Variants in UBR7 observed in about 807,000 individuals in gnomAD.
UBR7 encodes ubiquitin protein ligase E3 component n-recognin 7, also known as putative E3 ubiquitin-protein ligase UBR7.
A neutral mutation model predicts 57.0 loss-of-function variants in UBR7; 22 were observed. That is an observed-to-expected ratio of 0.39 (90% CI 0.28 to 0.55). The LOEUF is 0.55. Among genes scored for constraint, UBR7 ranks in the 20% least tolerant of loss-of-function variants. The pLI is 0.69. For missense variants in UBR7, 395 were observed against 513.2 expected (o/e 0.77, Z 2.23); for synonymous variants, 167 against 179.8 (o/e 0.93, Z 0.57).
At position 93,226,126 on chromosome 14, in the gene UBR7, A is replaced by AATTATTCCAAGTTAGC. The variant is rs1276710612; in HGVS notation, c.1186-803_1186-788dup. On this transcript the variant is annotated intron_variant, in intron 10 of 10. Coordinates refer to ENST00000013070, the MANE Select transcript of UBR7 (RefSeq NM_175748.4). ...GGTGTATCAGCTACTGGTCTGAGAA[A>AATTATTCCAAGTTAGC]ATTATTCCAAGTTAGCATTATTCCA... Among the ~76,000 whole-genome samples, 4 of 152,300 alleles carry AATTATTCCAAGTTAGC rather than the reference A, an allele frequency of 2.6e-5. 1 individual carries two copies. Among genetic ancestry groups the AATTATTCCAAGTTAGC allele is most frequent in the Admixed American group, 2.6e-4 (4 of 15,286 alleles).
intron 10 of UBR7, among the ~76,000 whole-genome samples, chr14:93,224,941 C>T (rs1894817106): frequency 6.6e-6 from 1 of 152,164 alleles, no homozygotes; most frequent in Admixed American, 6.5e-5. Flanking sequence ...TTATCACAAA[C>T]ATATACTTAA....
rs1362774621 is a variant in UBR7, at chr14:93,219,333, G to T, written c.932G>T (p.Ser311Ile). 2 of 1,614,074 alleles carry T rather than the reference G, an allele frequency of 1.2e-6. No homozygotes were observed. Among genetic ancestry groups the T allele is most frequent in the Non-Finnish European group, 1.7e-6 (2 of 1,180,046 alleles). ...TATYWPLNWRSKLCTCQDCMK... is the reference protein window; with the variant it reads ...TATYWPLNWRIKLCTCQDCMK... Reference sequence around the variant, plus strand: ...ACCTATTGGCCCCTGAACTGGCGTAGCAAGTTGTGTACCTGCCAAGACTGT... The same window carrying T: ...ACCTATTGGCCCCTGAACTGGCGTATCAAGTTGTGTACCTGCCAAGACTGT... Residue 311 changes from serine (S) to isoleucine (I), a missense_variant, in exon 8 of 11, where the codon AGC becomes ATC. Ser to Ile is a moderately radical substitution (Grantham distance 142). Transcript: ENST00000013070.
intron 10 of UBR7, 35 bp downstream of exon 10, chr14:93,222,409 G>C: frequency 6.8e-7 from 1 of 1,479,960 alleles, no homozygotes; most frequent in Non-Finnish European, 9.5e-7. Flanking sequence ...TCATAGCCCT[G>C]TAAGTTTTGA....
rs754497824 is a variant in UBR7, at chr14:93,210,706, C to G, written c.343C>G (p.Pro115Ala). The change falls in exon 3 of 11, where the codon CCT (proline) becomes GCT (alanine). Residue 115 changes from proline to alanine, a missense_variant and splice_region_variant. By Grantham distance (27) the Pro-to-Ala change is conservative (BLOSUM62 -1). Coordinates refer to ENST00000013070, the MANE Select transcript of UBR7 (RefSeq NM_175748.4). ...KFKNLECKLLPDKAKVNSGNK... is the reference protein window; with the variant it reads ...KFKNLECKLLADKAKVNSGNK... ...TAAAAATTTGGAATGCAAATTACTT[C>G]CTGTAAGTAAGCACTGTAACTATAA... 6.2e-7 allele frequency: 1 copy of G among 1,607,414 alleles called. No homozygotes were observed. The highest frequency in any genetic ancestry group is 1.1e-5 in the South Asian group (1 of 90,220).
chr14:93,227,774 A>G lies in UBR7; in HGVS notation c.*739A>G, dbSNP rs1894890819. 5.7e-6 allele frequency: 4 copies of G among 700,864 alleles called. No homozygotes were observed. The East Asian group carries it at 1.1e-4, about 19-fold the overall frequency. The allele number at this position is 700,864 out of a possible 1,614,324, so 43.4% of individuals were successfully genotyped here. A position where few individuals can be genotyped will look rare whatever the true frequency, so the allele number is the denominator to read the frequency against. ...TTGGCACTAGAATTAGAATTTCAGT[A>G]CTGTAGTGCTCACAGGGCTTCCTGG... is the stretch of plus-strand genomic sequence containing the variant. On this transcript the variant is annotated 3_prime_UTR_variant, in exon 11 of 11. Transcript: ENST00000013070.
At position 93,209,839 on chromosome 14, in the gene UBR7, C is replaced by T. The variant is rs995084790; in HGVS notation, c.166C>T (p.Gln56Ter). Residue 56 changes from glutamine to a stop codon, truncating the protein, a stop_gained, in exon 2 of 11, where the codon CAA becomes TAA. Coordinates refer to ENST00000013070, the MANE Select transcript of UBR7 (RefSeq NM_175748.4). LOFTEE classifies it high-confidence loss of function. ...CSYSQGSVKRQALYACSTCTP... is the reference protein window; with the variant it reads ...CSYSQGSVKR ...GGGCTTTCAGGGCTCAGTAAAGAGACAAGCACTATATGCCTGTAGTACCTG... is the reference window on the plus strand; with the variant it reads ...GGGCTTTCAGGGCTCAGTAAAGAGATAAGCACTATATGCCTGTAGTACCTG... The T allele has an allele frequency of 6.2e-7, 1 of 1,613,900 alleles. No individual in the cohort carries two copies. Among genetic ancestry groups the T allele is most frequent in the Middle Eastern group, 1.6e-4 (1 of 6,062 alleles).
chr14:93,222,412 A>C (rs956266743), intron 10 of UBR7, 38 bp downstream of exon 10: 1 of 1,437,160 alleles, frequency 7.0e-7, no homozygotes, highest in African/African-American at 1.4e-5. Context: ...TAGCCCTGTA[A>C]GTTTTGAATG....
rs1419099170 is a variant in UBR7 at position 93,228,366 on chromosome 14, C to T, written c.*1331C>T. The T allele has an allele frequency of 1.1e-5, 5 of 454,538 alleles. No homozygotes were observed. The highest frequency in any genetic ancestry group is 4.7e-5 in the South Asian group (3 of 64,476). The allele number at this position is 454,538 out of a possible 1,614,324, so 28.2% of individuals were successfully genotyped here. ...GAGGACCAAGGTCTTTCCTGACAGT[C>T]GGAGACACACCTTGATGTATGTTAA... On this transcript the variant is annotated 3_prime_UTR_variant, in exon 11 of 11. Coordinates refer to ENST00000013070, the MANE Select transcript of UBR7 (RefSeq NM_175748.4).
At chr14:93,215,691 A>G (rs1169162915) in intron 6 of UBR7, among the ~76,000 whole-genome samples, 3 of 92,498 alleles carry the variant, frequency 3.2e-5, no homozygotes, top group African/African-American at 2.0e-4. Context: ...TCCATCCTCA[A>G]AAAAAAAAAA....
chr14:93,222,099 A>C (rs538200776), intron 9 of UBR7, among the ~76,000 whole-genome samples: 42 of 151,232 alleles, frequency 2.8e-4, no homozygotes, highest in African/African-American at 8.5e-4. Flanking sequence ...TTTTTAAAAA[A>C]TTTTGCTTTT....
chr14:93,221,444 AG>A (rs1375500408), intron 9 of UBR7, among the ~76,000 whole-genome samples: 1 of 149,758 alleles, frequency 6.7e-6, no homozygotes, highest in East Asian at 2.0e-4. Flanking sequence ...TAGTAGAGTC[AG>A]GGTTTCACCA....
At chr14:93,217,571 C>T (rs1424877588) in intron 6 of UBR7, among the ~76,000 whole-genome samples, 1 of 152,174 alleles carries the variant, frequency 6.6e-6, no homozygotes, top group Non-Finnish European at 1.5e-5. Context: ...ATCTCTTCCT[C>T]CTGCTTCTTG....
intron 10 of UBR7, among the ~76,000 whole-genome samples, chr14:93,225,242 G>A (rs1894823991): frequency 6.6e-6 from 1 of 151,954 alleles, no homozygotes. Context: ...TGTCCATAGG[G>A]ATAATGTTAA....
chr14:93,226,851 C>A, intron 10 of UBR7, 92 bp from the exon 11 acceptor site: 13 of 721,132 alleles, frequency 1.8e-5, no homozygotes, highest in East Asian at 3.3e-5. Context: ...TAATTCTTAA[C>A]AGTATCATTT....
chr14:93,223,512 T>G, intron 10 of UBR7: 1 of 617,886 alleles, frequency 1.6e-6, no homozygotes, highest in Non-Finnish European at 2.8e-6. Context: ...CTACCTACTT[T>G]AGGTCATTTT....
intron 8 of UBR7, among the ~76,000 whole-genome samples, chr14:93,219,698 G>A (rs1894665148): frequency 6.6e-6 from 1 of 152,176 alleles, no homozygotes; most frequent in Admixed American, 6.5e-5. Flanking sequence ...AATTGGCCAG[G>A]TGCTTTGGCT....
chr14:93,223,672 G>A, intron 10 of UBR7: 1 of 1,356,412 alleles, frequency 7.4e-7, no homozygotes, highest in Non-Finnish European at 1.0e-6. Flanking sequence ...GGGGCAGCGG[G>A]AAACTTGATC....
chr14:93,221,709 C>T (rs1359428623), intron 9 of UBR7, among the ~76,000 whole-genome samples: 1 of 151,930 alleles, frequency 6.6e-6, no homozygotes, highest in Non-Finnish European at 1.5e-5. Flanking sequence ...GGGCTGGGCG[C>T]CATGGCTCAC....
intron 10 of UBR7, among the ~76,000 whole-genome samples, chr14:93,224,624 A>G (rs568486956): frequency 6.2e-4 from 95 of 152,088 alleles, no homozygotes; most frequent in Middle Eastern, 3.4e-3. Flanking sequence ...TGATCCGCCC[A>G]CCTTGGCCTC....
Sources: allele counts gnomAD v4.1 joint callset (sites outside exome capture counted in the v4.1 genomes callset), GRCh38; gene constraint gnomAD v4.1.1; transcripts MANE v1.5; gene names NCBI Gene and HGNC (gene_info 2026-07-23, HGNC 2026-07-21).